The following PPP4R1 variants were observed in gnomAD, a reference collection of about 807,000 sequenced individuals.
PPP4R1 encodes serine/threonine-protein phosphatase 4 regulatory subunit 1.
In PPP4R1, 42 loss-of-function variants were observed where a neutral mutation model predicts 111.2. The ratio of observed to expected loss-of-function variants is 0.38; its 90% CI spans 0.29 to 0.49. PPP4R1 has a LOEUF of 0.49. PPP4R1 is among the 20% of genes least tolerant of loss of function. The pLI is 0.97. For synonymous variants in PPP4R1, 409 were observed against 405.5 expected, an observed-to-expected ratio of 1.01 and a Z score of -0.10; for missense variants, 1,012 against 1,161.6, an observed-to-expected ratio of 0.87 and a Z score of 1.87.
rs868274376 is a variant in PPP4R1, at chr18:9,594,801, A to G, written c.188+217T>C. On this transcript the variant is annotated intron_variant, in intron 3 of 19. Transcript: ENST00000400556. ...CAGAAAAGCAATGGTAATTAATGGT[A>G]ATTTTTTTTTTTGCAAAGAAAGCAT... The G allele has an allele frequency of 1.9e-5, 8 of 430,062 alleles. No homozygotes were observed. In the Middle Eastern group the frequency reaches 1.7e-3, roughly 92 times the overall value. The allele number at this position is 430,062 out of a possible 1,614,324, so 26.6% of individuals were successfully genotyped here.
intron 2 of PPP4R1, among the ~76,000 whole-genome samples, chr18:9,607,771 TTTTCTTTC>T (rs1184908649): frequency 6.6e-6 from 1 of 151,096 alleles, no homozygotes; most frequent in Admixed American, 6.6e-5. Flanking sequence ...GTTTGGCAGT[TTTTCTTTC>T]TTTCTTTTTT....
At chr18:9,561,719 C>T (rs79868734) in intron 13 of PPP4R1, among the ~76,000 whole-genome samples, 4 of 152,152 alleles carry the variant, frequency 2.6e-5, no homozygotes, top group Non-Finnish European at 5.9e-5. Context: ...TTTATGTGCC[C>T]ATGAAAATAC....
rs184763960 is a variant in PPP4R1, at chr18:9,594,960, C to T, written c.188+58G>A. The T allele has an allele frequency of 2.4e-4, 374 of 1,574,098 alleles. No homozygotes were observed. The African/African-American group carries it at 4.4e-3, about 18-fold the overall frequency. On this transcript the variant is annotated intron_variant, in intron 3 of 19. Coordinates refer to ENST00000400556, the MANE Select transcript of PPP4R1 (RefSeq NM_001042388.3). ...AAAGTGGATACTTTCATTTTCCCTA[C>T]TGAAGTTAATAAAACCACCCTTCCA...
chr18:9,582,208 G>T (rs1005151986), intron 9 of PPP4R1, among the ~76,000 whole-genome samples: 3 of 151,870 alleles, frequency 2.0e-5, no homozygotes, highest in East Asian at 1.9e-4. Context: ...GGAAATTAAT[G>T]AATAATAGAA....
chr18:9,550,464 C>G, intron 16 of PPP4R1, 66 bp from the exon 17 acceptor site: 1 of 1,489,506 alleles, frequency 6.7e-7, no homozygotes, highest in Non-Finnish European at 9.2e-7. Flanking sequence ...ATAGGTTACC[C>G]ATTTAAATCA....
At chr18:9,586,125 TTTA>T (rs1236584556) in intron 6 of PPP4R1, among the ~76,000 whole-genome samples, 2 of 151,872 alleles carry the variant, frequency 1.3e-5, no homozygotes, top group African/African-American at 4.8e-5. Context: ...ATGAATTATT[TTTA>T]TTAAGAAATT....
In PPP4R1 at chr18:9,614,255, TG is replaced by T; in HGVS notation, c.22del (p.Gln8ArgfsTer22). 7.4e-7 allele frequency: 1 copy of T among 1,344,260 alleles called. No homozygotes were observed. Among genetic ancestry groups the T allele is most frequent in the Non-Finnish European group, 9.7e-7 (1 of 1,034,678 alleles). 83.3% of individuals were successfully genotyped at this position (1,344,260 alleles called of 1,614,324 possible). On this transcript the variant is annotated frameshift_variant, in exon 2 of 20. Coordinates refer to ENST00000400556, the MANE Select transcript of PPP4R1 (RefSeq NM_001042388.3). LOFTEE classifies it high-confidence loss of function. The surrounding 1 kb of genome is among the most constrained non-coding windows in gnomAD (Gnocchi z 4.1). Reference sequence around the variant, plus strand: ...GTCTGCGTCCTCCTGCAGGTCCTCCTGAAGCAGCGAGAGGTCTGCGCCGAGG... The same window carrying T: ...GTCTGCGTCCTCCTGCAGGTCCTCCTAAGCAGCGAGAGGTCTGCGCCGAGG... The part of the protein sequence containing the change: MADLSLL[Q>X]EDLQEDADGF...
Position 9,588,226 on chromosome 18 carries a change from T to G in PPP4R1, c.448A>C (p.Thr150Pro). The G allele has an allele frequency of 1.2e-6, 2 of 1,613,620 alleles. No homozygotes were observed. Among genetic ancestry groups the G allele is most frequent in the Non-Finnish European group, 1.7e-6 (2 of 1,179,814 alleles). The change falls in exon 6 of 20, where the codon ACA (threonine) becomes CCA (proline). Residue 150 changes from threonine (T) to proline (P), a missense_variant. By Grantham distance (38) the Thr-to-Pro change is conservative. Transcript: ENST00000400556. ...LADQNNQVRK[T>P]SQAALLALLE... ...AGAGCCAGCAAAGCTGCCTGACTTG[T>G]TTTCCTCACCTAGGAGAAAAATAAC...
intron 8 of PPP4R1, 89 bp from the exon 9 acceptor site, chr18:9,583,364 T>TG: frequency 7.9e-7 from 1 of 1,258,592 alleles, no homozygotes; most frequent in Non-Finnish European, 1.1e-6. Flanking sequence ...TTCACGCTTC[T>TG]TTTGTTTGTT....
At chr18:9,547,973 G>C (rs2066426118) in intron 19 of PPP4R1, 21 bp from the exon 20 acceptor site, 5 of 1,612,114 alleles carry the variant, frequency 3.1e-6, no homozygotes, top group East Asian at 2.2e-5. Context: ...CATGTGCATA[G>C]GACAGATGAA....
chr18:9,609,564 C>T (rs2067542480), intron 2 of PPP4R1, among the ~76,000 whole-genome samples: 1 of 152,170 alleles, frequency 6.6e-6, no homozygotes, highest in Non-Finnish European at 1.5e-5. Flanking sequence ...GATTCCAAAA[C>T]TTAAATATGA....
chr18:9,574,372 G>C (rs1357444155), intron 10 of PPP4R1, among the ~76,000 whole-genome samples: 2 of 152,172 alleles, frequency 1.3e-5, no homozygotes, highest in Admixed American at 6.5e-5. Flanking sequence ...TCTGGCTAAA[G>C]AGGTATTGTA....
upstream of PPP4R1, among the ~76,000 whole-genome samples, chr18:9,616,855 A>C (rs973557062): frequency 6.6e-6 from 1 of 152,144 alleles, no homozygotes; most frequent in African/African-American, 2.4e-5. Flanking sequence ...GATCTGTATC[A>C]TTTTTCTGTA....
In PPP4R1 at chr18:9,573,828, T is replaced by C. The variant is rs971269816; in HGVS notation, c.1047-3145A>G. ...GCTGCAAAAATGAACGGAGAATGAC[T>C]GGTCAAATAACTGTTTGTCTGATAA... On this transcript the variant is annotated intron_variant, in intron 10 of 19. Transcript: ENST00000400556. Among the ~76,000 whole-genome samples the C allele has an allele frequency of 3.3e-5, 5 of 152,330 alleles. No homozygotes were observed. In the South Asian group the frequency reaches 1.0e-3, roughly 32 times the overall value.
chr18:9,548,071 C>T lies in PPP4R1; in HGVS notation c.2690-119G>A, dbSNP rs535546143. The T allele has an allele frequency of 4.9e-6, 5 of 1,010,898 alleles. No homozygotes were observed. In the African/African-American group the frequency reaches 6.4e-5, roughly 13 times the overall value. The allele number at this position is 1,010,898 out of a possible 1,614,324, so 62.6% of individuals were successfully genotyped here. A position where few individuals can be genotyped will look rare whatever the true frequency, so the allele number is the denominator to read the frequency against. ...TTTCTACAAGTACAAACAAGCCACA[C>T]TGAAACATAAACAGTAATCCAAACT... On this transcript the variant is annotated intron_variant, in intron 19 of 19. Coordinates refer to ENST00000400556, the MANE Select transcript of PPP4R1 (RefSeq NM_001042388.3).
At position 9,559,714 on chromosome 18, in the gene PPP4R1, T is replaced by C. The variant is rs1568090009; in HGVS notation, c.1843-110A>G. 4 of 786,606 alleles carry C rather than the reference T, an allele frequency of 5.1e-6. No homozygotes were observed. In the East Asian group the frequency reaches 1.3e-4, roughly 25 times the overall value. 48.7% of individuals were successfully genotyped at this position (786,606 alleles called of 1,614,324 possible). ...TAAATATATAGATTTTAACATAGCA[T>C]CTCAAATAGTTGAGAAAAACCAATG... On this transcript the variant is annotated intron_variant, in intron 13 of 19. Transcript: ENST00000400556.
At chr18:9,580,780 G>A (rs1365076242) in intron 9 of PPP4R1, among the ~76,000 whole-genome samples, 1 of 152,206 alleles carries the variant, frequency 6.6e-6, no homozygotes, top group African/African-American at 2.4e-5. Flanking sequence ...ACCTGATGCT[G>A]AGGTCCAGTC....
chr18:9,616,577 A>G (rs1443335641), upstream of PPP4R1, among the ~76,000 whole-genome samples: 1 of 152,206 alleles, frequency 6.6e-6, no homozygotes, highest in Non-Finnish European at 1.5e-5. Context: ...CCCGGCCCAA[A>G]TCAGCTCTTT....
At chr18:9,607,864 C>T (rs903469404) in intron 2 of PPP4R1, among the ~76,000 whole-genome samples, 3 of 150,040 alleles carry the variant, frequency 2.0e-5, no homozygotes, top group African/African-American at 7.4e-5. Context: ...CTCACTGCAA[C>T]CTCTGCCTCC....
Sources: gnomAD v4.1 joint callset for allele counts (sites outside exome capture counted in the v4.1 genomes callset) on GRCh38, gnomAD v4.1.1 for gene constraint, Gnocchi (gnomAD v3.1) non-coding constraint, MANE v1.5 for transcripts, NCBI Gene and HGNC (gene_info 2026-07-23, HGNC 2026-07-21) for gene names.